ACER3: variants seen among roughly 807,000 people sequenced by gnomAD.
ACER3 encodes alkaline ceramidase 3.
A neutral mutation model predicts 48.9 loss-of-function variants in ACER3; 16 were observed. The observed-to-expected ratio is 0.33, with a 90% confidence interval of 0.22 to 0.50. The LOEUF (loss-of-function observed/expected upper bound fraction) is 0.50. Ranked by LOEUF, ACER3 falls within the 20% of genes least tolerant of loss-of-function variation. The pLI is 0.98. For missense variants in ACER3, 227 were observed against 326.0 expected (o/e 0.70, Z 2.34); for synonymous variants, 109 against 107.8 (o/e 1.01, Z -0.07).
At position 77,020,669 on chromosome 11, in the gene ACER3, G is replaced by T; in HGVS notation, c.*342G>T. The T allele has an allele frequency of 4.7e-6, 1 of 212,458 alleles. No homozygotes were observed. Among genetic ancestry groups the T allele is most frequent in the Admixed American group, 5.5e-5 (1 of 18,348 alleles). The allele number at this position is 212,458 out of a possible 1,614,324, so 13.2% of individuals were successfully genotyped here. A position where few individuals can be genotyped will look rare whatever the true frequency, so the allele number is the denominator to read the frequency against. On this transcript the variant is annotated 3_prime_UTR_variant, in exon 11 of 11. Coordinates refer to ENST00000532485, the MANE Select transcript of ACER3 (RefSeq NM_018367.7). Reference sequence around the variant, plus strand: ...AAGAAATTAACCTTCTTTTCTTTTTGCCAAGGGTTGCATGTGAATTATACC... The same window carrying T: ...AAGAAATTAACCTTCTTTTCTTTTTTCCAAGGGTTGCATGTGAATTATACC...
At chr11:76,878,849 T>G (rs1945452052) in intron 1 of ACER3, among the ~76,000 whole-genome samples, 1 of 152,056 alleles carries the variant, frequency 6.6e-6, no homozygotes. Context: ...CTTCTTAATT[T>G]TATCCATTCT....
chr11:76,892,497 G>A (rs1289334442), intron 1 of ACER3, among the ~76,000 whole-genome samples: 1 of 152,146 alleles, frequency 6.6e-6, no homozygotes, highest in Non-Finnish European at 1.5e-5. Context: ...TCTGTTTGCT[G>A]CTGTGGCACA....
At chr11:76,918,545 G>T (rs762468352) in intron 1 of ACER3, among the ~76,000 whole-genome samples, 60 of 151,052 alleles carry the variant, frequency 4.0e-4, no homozygotes, top group Non-Finnish European at 5.8e-4. Flanking sequence ...GTTATGTGGG[G>T]TTTTTTTTCA....
chr11:76,945,050 C>T (rs1435219072), intron 2 of ACER3, among the ~76,000 whole-genome samples: 1 of 151,334 alleles, frequency 6.6e-6, no homozygotes, highest in South Asian at 2.1e-4. Flanking sequence ...TTTTCATTTC[C>T]AGAATTTCTC....
At chr11:76,975,260 G>T (rs1050085916) in intron 3 of ACER3, among the ~76,000 whole-genome samples, 2 of 151,980 alleles carry the variant, frequency 1.3e-5, no homozygotes, top group African/African-American at 4.8e-5. Context: ...TCTTAAAATT[G>T]TATCCTCAGC....
intron 1 of ACER3, among the ~76,000 whole-genome samples, chr11:76,909,676 T>G (rs2134715093): frequency 6.6e-6 from 1 of 152,086 alleles, no homozygotes; most frequent in South Asian, 2.1e-4. Flanking sequence ...TTGGTGGGAG[T>G]GTAAATTAGT....
At chr11:76,929,174 C>T (rs1342019460) in intron 2 of ACER3, among the ~76,000 whole-genome samples, 1 of 152,124 alleles carries the variant, frequency 6.6e-6, no homozygotes, top group African/African-American at 2.4e-5. Flanking sequence ...AGACGTCCTT[C>T]ACATCCCTTG....
At chr11:76,887,372 T>C (rs966757566) in intron 1 of ACER3, among the ~76,000 whole-genome samples, 1 of 151,968 alleles carries the variant, frequency 6.6e-6, no homozygotes, top group East Asian at 1.9e-4. Flanking sequence ...GTTATAAGAG[T>C]AGGTGATGAG....
intron 2 of ACER3, among the ~76,000 whole-genome samples, chr11:76,930,824 G>T (rs575800003): frequency 6.6e-6 from 1 of 152,224 alleles, no homozygotes; most frequent in East Asian, 1.9e-4. Context: ...ACTGTGGTCT[G>T]AGAGACAGTT....
At chr11:76,991,865 T>C (rs1469322278) in intron 6 of ACER3, among the ~76,000 whole-genome samples, 1 of 151,478 alleles carries the variant, frequency 6.6e-6, no homozygotes, top group Non-Finnish European at 1.5e-5. Context: ...CACTTTCTTG[T>C]TTATTGTAAC....
intron 1 of ACER3, among the ~76,000 whole-genome samples, chr11:76,874,068 A>T (rs1286790276): frequency 1.3e-5 from 2 of 152,214 alleles, no homozygotes; most frequent in African/African-American, 4.8e-5. Flanking sequence ...CAGCAAAATG[A>T]TAGATCCAAA....
intron 1 of ACER3, among the ~76,000 whole-genome samples, chr11:76,879,150 G>T (rs983932461): frequency 6.6e-6 from 1 of 151,986 alleles, no homozygotes; most frequent in Non-Finnish European, 1.5e-5. Context: ...ATGAGAAGTA[G>T]TACATTTTGA....
intron 7 of ACER3, among the ~76,000 whole-genome samples, chr11:77,000,706 A>G (rs1304574558): frequency 6.6e-6 from 1 of 152,154 alleles, no homozygotes; most frequent in African/African-American, 2.4e-5. Flanking sequence ...ACTTTTGTCA[A>G]AAATTATTTG....
chr11:77,019,813 G>A, intron 10 of ACER3, 37 bp downstream of exon 10: 1 of 1,601,728 alleles, frequency 6.2e-7, no homozygotes, highest in Non-Finnish European at 8.6e-7. Flanking sequence ...GTGTGTTGGG[G>A]GTATGGTACT....
At chr11:76,957,690 T>G in intron 2 of ACER3, 1 of 212,242 alleles carries the variant, frequency 4.7e-6, no homozygotes, top group South Asian at 6.0e-5. Flanking sequence ...GTGATCTGTC[T>G]GCCTCAGCCT....
At chr11:76,907,703 C>T (rs964230449) in intron 1 of ACER3, among the ~76,000 whole-genome samples, 13 of 151,800 alleles carry the variant, frequency 8.6e-5, no homozygotes, top group African/African-American at 3.1e-4. Context: ...AAGCCAGTCT[C>T]CACCAAAAAA....
At chr11:76,966,889 T>C (rs1948152079) in intron 3 of ACER3, among the ~76,000 whole-genome samples, 2 of 150,928 alleles carry the variant, frequency 1.3e-5, no homozygotes, top group African/African-American at 4.9e-5. Context: ...AACATCACAA[T>C]TAAAAGAACT....
In ACER3 at chr11:77,015,065, T is replaced by C; in HGVS notation, c.547T>C (p.Leu183=). The C allele has an allele frequency of 6.3e-7, 1 of 1,599,952 alleles. No homozygotes were observed. The highest frequency in any genetic ancestry group is 1.1e-5 in the South Asian group (1 of 90,676). Residue 183 remains leucine (L), a synonymous_variant, in exon 8 of 11, where the codon TTA becomes CTA. Coordinates refer to ENST00000532485, the MANE Select transcript of ACER3 (RefSeq NM_018367.7). ...GLGYTSLGIF[L]LGFLFWNIDN... ...GGGTTATACATCATTGGGTATATTT[T>C]TATTGGGATTTTTATTTTGGAATAT... is the stretch of plus-strand genomic sequence containing the variant.
chr11:76,867,065 C>A (rs558398186), intron 1 of ACER3, among the ~76,000 whole-genome samples: 2 of 152,076 alleles, frequency 1.3e-5, no homozygotes, highest in African/African-American at 2.4e-5. Flanking sequence ...AAGAATTACC[C>A]GGTTAAAAGT....
Sources: gnomAD v4.1 joint callset for allele counts (sites outside exome capture counted in the v4.1 genomes callset) on GRCh38, gnomAD v4.1.1 for gene constraint, MANE v1.5 for transcripts, NCBI Gene and HGNC (gene_info 2026-07-23, HGNC 2026-07-21) for gene names.